Variants in FOXP1 observed in about 807,000 individuals in gnomAD.
FOXP1 encodes forkhead box P1.
In FOXP1, 15 loss-of-function variants were observed where a neutral mutation model predicts 98.2. The ratio of observed to expected loss-of-function variants is 0.15; its 90% CI spans 0.10 to 0.24. The LOEUF is 0.24. Ranked by LOEUF, FOXP1 falls within the 10% of genes least tolerant of loss-of-function variation. The pLI is 1.00. For synonymous variants in FOXP1, 371 were observed against 314.5 expected (o/e 1.18, Z -1.90); for missense variants, 633 against 848.5 (o/e 0.75, Z 3.15).
intron 19 of FOXP1, 185 bp downstream of exon 19, chr3:70,970,551 C>G: frequency 1.6e-6 from 1 of 616,848 alleles, no homozygotes. Flanking sequence ...AAATGCTAAG[C>G]ATCCCGCTAA....
chr3:71,442,758 G>C (rs1277826791), intron 3 of FOXP1, among the ~76,000 whole-genome samples: 2 of 152,156 alleles, frequency 1.3e-5, no homozygotes, highest in Non-Finnish European at 2.9e-5. Flanking sequence ...AGGGAGAAGG[G>C]GATTGCAGGC....
chr3:71,333,460 C>T (rs1249979134), intron 4 of FOXP1: 1 of 152,188 alleles, frequency 6.6e-6, no homozygotes, highest in African/African-American at 2.4e-5. Context: ...CATGTCATTA[C>T]TTGTCTGTAA....
chr3:71,331,504 C>A (rs981862450), intron 4 of FOXP1, among the ~76,000 whole-genome samples: 4 of 152,246 alleles, frequency 2.6e-5, no homozygotes, highest in Admixed American at 1.3e-4. Flanking sequence ...GGGACTGGCA[C>A]GCAGCTCCAC....
chr3:71,061,738 T>A (rs148950699), intron 7 of FOXP1, among the ~76,000 whole-genome samples: 2 of 152,208 alleles, frequency 1.3e-5, no homozygotes, highest in African/African-American at 4.8e-5. Context: ...ATTTGCCTAG[T>A]TACCAAGAAC....
chr3:71,175,944 T>C (rs913045404), intron 6 of FOXP1, among the ~76,000 whole-genome samples: 3 of 152,122 alleles, frequency 2.0e-5, no homozygotes, highest in African/African-American at 7.2e-5. Context: ...CAAAGGACAT[T>C]TTCTCAACAG....
intron 5 of FOXP1, among the ~76,000 whole-genome samples, chr3:71,278,567 G>A (rs960051758): frequency 6.6e-6 from 1 of 152,060 alleles, no homozygotes; most frequent in African/African-American, 2.4e-5. Context: ...CAGATCACAA[G>A]GTCAGGAGTT....
rs541443259 is a variant in FOXP1 at position 71,264,558 on chromosome 3, G to T, written c.-12+35262C>A. The stretch of plus-strand genomic sequence containing the variant: ...TTCAGAAAACATTGCCACTTGGAGG[G>T]ATCTGATTAGATTTCCTAATTGCTT... On this transcript the variant is annotated intron_variant, in intron 5 of 20. Coordinates refer to ENST00000649528, the MANE Select transcript of FOXP1 (RefSeq NM_001349338.3). 4.8e-4 allele frequency among the ~76,000 whole-genome samples: 73 copies of T among 152,242 alleles called. 1 individual carries two copies. The highest frequency in any genetic ancestry group is 2.7e-3 in the South Asian group (13 of 4,816).
At chr3:71,245,117 T>C (rs557079839) in intron 5 of FOXP1, 7 of 152,330 alleles carry the variant, frequency 4.6e-5, no homozygotes, top group African/African-American at 1.7e-4. Flanking sequence ...TTGACACTTA[T>C]TTTCCGGGAA....
At chr3:71,072,412 C>T (rs1273153085) in intron 7 of FOXP1, among the ~76,000 whole-genome samples, 1 of 152,180 alleles carries the variant, frequency 6.6e-6, no homozygotes, top group Non-Finnish European at 1.5e-5. Context: ...TAATCTCGAA[C>T]ACTGTCATGT....
At chr3:71,050,690 A>T (rs1301220342) in intron 9 of FOXP1, among the ~76,000 whole-genome samples, 1 of 152,176 alleles carries the variant, frequency 6.6e-6, no homozygotes, top group Admixed American at 6.5e-5. Context: ...GTTTTTACCA[A>T]TTCTGTTGAT....
chr3:71,188,107 C>T (rs1576289153), intron 6 of FOXP1, among the ~76,000 whole-genome samples: 2 of 152,254 alleles, frequency 1.3e-5, no homozygotes, highest in East Asian at 3.9e-4. Context: ...ATATTCCTTC[C>T]TTTGGCTCTG....
At chr3:71,547,785 G>C (rs1165907164) in intron 2 of FOXP1, among the ~76,000 whole-genome samples, 3 of 152,172 alleles carry the variant, frequency 2.0e-5, no homozygotes, top group Non-Finnish European at 4.4e-5. Context: ...AGAGAAGAGA[G>C]GACAGCTGTG....
intron 5 of FOXP1, chr3:71,245,099 G>T (rs1263897342): frequency 6.6e-6 from 1 of 152,204 alleles, no homozygotes; most frequent in African/African-American, 2.4e-5. Flanking sequence ...GAGTTCCGTA[G>T]GATTTATTTG....
chr3:71,237,151 G>A (rs1366383972), intron 5 of FOXP1, among the ~76,000 whole-genome samples: 2 of 126,330 alleles, frequency 1.6e-5, no homozygotes, highest in African/African-American at 5.9e-5. Flanking sequence ...AGAATCACTT[G>A]ATCCTGGGAG....
intron 7 of FOXP1, among the ~76,000 whole-genome samples, chr3:71,100,429 T>C (rs377112047): frequency 1.8e-4 from 28 of 152,326 alleles, no homozygotes; most frequent in African/African-American, 5.8e-4. Flanking sequence ...CTCTCCCATG[T>C]GCAGACAAGG....
intron 7 of FOXP1, among the ~76,000 whole-genome samples, chr3:71,062,842 A>C (rs866061522): frequency 6.6e-6 from 1 of 152,164 alleles, no homozygotes; most frequent in South Asian, 2.1e-4. Context: ...TCCTCAATAG[A>C]TTTCTTTCTT....
In FOXP1 at chr3:71,277,595, A is replaced by G. The variant is rs79601596; in HGVS notation, c.-12+22225T>C. Among the ~76,000 whole-genome samples the G allele has an allele frequency of 9.2e-3, 1,406 of 152,154 alleles. 24 individuals are homozygous for G. Among genetic ancestry groups the G allele is most frequent in the African/African-American group, 0.032 (1,345 of 41,514 alleles). On this transcript the variant is annotated intron_variant, in intron 5 of 20. Transcript: ENST00000649528. ...ACTGCAGCCTCTAACTCCTCCCTGC[A>G]TATTATATTCCAGCCATGCAGGCCT...
chr3:71,301,833 A>G (rs1474864047), intron 4 of FOXP1, among the ~76,000 whole-genome samples: 4 of 152,332 alleles, frequency 2.6e-5, no homozygotes, highest in African/African-American at 7.2e-5. Context: ...TCACCTATCC[A>G]CACAGTATAG....
chr3:71,501,506 G>T (rs1373416215), intron 2 of FOXP1, among the ~76,000 whole-genome samples: 1 of 151,976 alleles, frequency 6.6e-6, no homozygotes, highest in Non-Finnish European at 1.5e-5. Flanking sequence ...TGTTGGCCAG[G>T]ATGGTCTCAA....
Sources: allele counts gnomAD v4.1 joint callset (sites outside exome capture counted in the v4.1 genomes callset), GRCh38; gene constraint gnomAD v4.1.1; transcripts MANE v1.5; gene names NCBI Gene and HGNC (gene_info 2026-07-23, HGNC 2026-07-21).